The following GLI3 variants were observed in gnomAD, a reference collection of about 807,000 sequenced individuals.
GLI3 encodes transcription activator GLI3.
In GLI3, 20 loss-of-function variants were observed where a neutral mutation model predicts 100.8. The ratio of observed to expected loss-of-function variants is 0.20; its 90% CI spans 0.14 to 0.29. The LOEUF (loss-of-function observed/expected upper bound fraction) is 0.29. GLI3 is among the 10% of genes least tolerant of loss of function. The pLI is 1.00. For synonymous variants in GLI3, 938 were observed against 860.5 expected, an observed-to-expected ratio of 1.09 and a Z score of -1.58; for missense variants, 2,040 against 2,128.5, an observed-to-expected ratio of 0.96 and a Z score of 0.82.
chr7:42,140,161 CT>C (rs1383766197), intron 3 of GLI3, among the ~76,000 whole-genome samples: 5 of 152,216 alleles, frequency 3.3e-5, no homozygotes, highest in African/African-American at 1.2e-4. Context: ...TCCGGGAGGC[CT>C]TCTGGACTGC....
At chr7:42,073,809 T>TA (rs1384426561) in intron 4 of GLI3, among the ~76,000 whole-genome samples, 1 of 152,222 alleles carries the variant, frequency 6.6e-6, no homozygotes, top group Non-Finnish European at 1.5e-5. Context: ...TTCTTAGAAT[T>TA]AAAAATATTG....
At chr7:42,216,467 AG>A (rs1223163684) in intron 2 of GLI3, among the ~76,000 whole-genome samples, 6 of 152,222 alleles carry the variant, frequency 3.9e-5, no homozygotes, top group Admixed American at 3.9e-4. Flanking sequence ...CAACAGAGTG[AG>A]CCCCCATGTG....
intron 2 of GLI3, among the ~76,000 whole-genome samples, chr7:42,164,606 G>A (rs1360585591): frequency 1.3e-5 from 2 of 152,084 alleles, no homozygotes; most frequent in African/African-American, 2.4e-5. Flanking sequence ...CGAGGCAGGC[G>A]GATCATGGGG....
At chr7:42,010,786 CTG>C (rs1231360827) in intron 10 of GLI3, among the ~76,000 whole-genome samples, 1 of 152,180 alleles carries the variant, frequency 6.6e-6, no homozygotes, top group Non-Finnish European at 1.5e-5. Context: ...TATGAGGAAA[CTG>C]ATTAATCAGT....
chr7:42,127,962 T>C (rs1269068994), intron 3 of GLI3, among the ~76,000 whole-genome samples: 1 of 144,572 alleles, frequency 6.9e-6, no homozygotes, highest in Non-Finnish European at 1.5e-5. Context: ...GAAGTTGCAG[T>C]GAGCCATGAT....
chr7:42,151,436 G>T (rs950465221), intron 2 of GLI3: 1 of 152,212 alleles, frequency 6.6e-6, no homozygotes, highest in Non-Finnish European at 1.5e-5. Context: ...ATCTTGTTCA[G>T]TTGAGCCGAG....
At chr7:42,102,056 G>A (rs1279751757) in intron 3 of GLI3, among the ~76,000 whole-genome samples, 5 of 151,862 alleles carry the variant, frequency 3.3e-5, no homozygotes, top group Admixed American at 2.0e-4. Context: ...TGGTGTATAT[G>A]TGCCACATTT....
Position 41,963,263 on chromosome 7 carries a change from A to T in GLI3, c.*1067T>A, listed in dbSNP as rs1011972693. The T allele has an allele frequency of 1.3e-5, 2 of 152,164 alleles. No homozygotes were observed. Among genetic ancestry groups the T allele is most frequent in the African/African-American group, 4.8e-5 (2 of 41,410 alleles). The allele number at this position is 152,164 out of a possible 1,614,324, so 9.4% of individuals were successfully genotyped here. ...TAGAATGGAAATCCTCCCTCACTAT[A>T]GTGGAATTAATAAATGTTACTGATA... On this transcript the variant is annotated 3_prime_UTR_variant, in exon 15 of 15. Transcript: ENST00000395925.
At chr7:42,209,872 A>G (rs1301013259) in intron 2 of GLI3, among the ~76,000 whole-genome samples, 1 of 150,366 alleles carries the variant, frequency 6.7e-6, no homozygotes, top group Non-Finnish European at 1.5e-5. Flanking sequence ...CATTCCTCCA[A>G]AGAGAATTCT....
intron 10 of GLI3, among the ~76,000 whole-genome samples, chr7:41,997,749 G>A (rs576352940): frequency 3.7e-4 from 56 of 152,090 alleles, no homozygotes; most frequent in Non-Finnish European, 6.6e-4. Context: ...ATTCATCCTG[G>A]TACCCCACAG....
rs1335067192 is a variant in GLI3 at position 42,237,147 on chromosome 7, G to A, written c.-219C>T. 2 of 149,064 alleles carry A rather than the reference G, an allele frequency of 1.3e-5. No individual in the cohort carries two copies. The highest frequency in any genetic ancestry group is 3.6e-4 in the South Asian group (2 of 5,484). The allele number at this position is 149,064 out of a possible 1,614,324, so 9.2% of individuals were successfully genotyped here. ...TGCGGCGCGGGCGGCCGCGGGGCGC[G>A]CGGGGAAGGCGGGAGAGCGGCGCGG... On this transcript the variant is annotated 5_prime_UTR_variant, in exon 1 of 15. Coordinates refer to ENST00000395925, the MANE Select transcript of GLI3 (RefSeq NM_000168.6).
intron 2 of GLI3, among the ~76,000 whole-genome samples, chr7:42,166,752 C>T (rs942141948): frequency 9.5e-5 from 14 of 147,008 alleles, no homozygotes; most frequent in Admixed American, 1.4e-4. Flanking sequence ...CTCTGCCTCC[C>T]GGGTTCGAGC....
chr7:42,066,548 C>T (rs1020061753), intron 4 of GLI3, among the ~76,000 whole-genome samples: 2 of 152,172 alleles, frequency 1.3e-5, no homozygotes, highest in African/African-American at 4.8e-5. Flanking sequence ...TGGAAGTGTA[C>T]CCACCTCCTG....
intron 2 of GLI3, among the ~76,000 whole-genome samples, chr7:42,174,851 G>A (rs748618920): frequency 6.0e-4 from 91 of 152,154 alleles, no homozygotes; most frequent in Non-Finnish European, 1.2e-3. Context: ...CTCCCCGAGC[G>A]CCATTTCCTC....
chr7:41,987,368 T>C (rs1433032453), intron 10 of GLI3, among the ~76,000 whole-genome samples: 2 of 152,136 alleles, frequency 1.3e-5, no homozygotes, highest in Non-Finnish European at 2.9e-5. Flanking sequence ...GGGGTTTCAC[T>C]GTATTGGCCA....
intron 2 of GLI3, among the ~76,000 whole-genome samples, chr7:42,221,986 C>T (rs1788495476): frequency 6.6e-6 from 1 of 152,218 alleles, no homozygotes; most frequent in South Asian, 2.1e-4. Flanking sequence ...TAAGAGCCAG[C>T]TCCTTCCCTA....
intron 4 of GLI3, 68 bp downstream of exon 4, chr7:42,076,684 A>G (rs1025208440): frequency 4.0e-6 from 4 of 993,942 alleles, no homozygotes; most frequent in East Asian, 4.7e-5. Context: ...CCATTAACAA[A>G]AAGTCCTGAG....
chr7:42,166,015 C>A (rs1465331186), intron 2 of GLI3, among the ~76,000 whole-genome samples: 2 of 152,180 alleles, frequency 1.3e-5, no homozygotes, highest in African/African-American at 4.8e-5. Flanking sequence ...TCCTAAAAAT[C>A]TTCTAGAAGC....
intron 3 of GLI3, among the ~76,000 whole-genome samples, chr7:42,144,675 G>A (rs530009578): frequency 3.4e-5 from 5 of 148,384 alleles, no homozygotes; most frequent in Admixed American, 6.7e-5. Context: ...TTCTGAAGGG[G>A]AAAAAAAAAC....
Sources: allele counts gnomAD v4.1 joint callset (sites outside exome capture counted in the v4.1 genomes callset), GRCh38; gene constraint gnomAD v4.1.1; transcripts MANE v1.5; gene names NCBI Gene and HGNC (gene_info 2026-07-23, HGNC 2026-07-21).